Variants in ADAMTS16 observed in about 807,000 individuals in gnomAD.
ADAMTS16 encodes ADAM metallopeptidase with thrombospondin type 1 motif 16.
Under a neutral mutation model 145.8 loss-of-function variants are expected in ADAMTS16, and 94 were observed. That is an observed-to-expected ratio of 0.64 (90% CI 0.55 to 0.77). The LOEUF is 0.77. Among genes scored for constraint, ADAMTS16 ranks in the 30% least tolerant of loss-of-function variants. ADAMTS16 has a pLI of 0.00. For synonymous variants in ADAMTS16, 659 were observed against 604.3 expected, an observed-to-expected ratio of 1.09 and a Z score of -1.33; for missense variants, 1,585 against 1,591.5, an observed-to-expected ratio of 1.00 and a Z score of 0.07.
Position 5,317,281 on chromosome 5 carries a change from T to C in ADAMTS16, c.3412-853T>C, listed in dbSNP as rs370458665. On this transcript the variant is annotated intron_variant, in intron 21 of 22. Transcript: ENST00000274181. This position sits in a 1 kb window ranked among gnomAD's most constrained non-coding sequence, Gnocchi z 4.5. ...ATCAGAAGGATAACTTGTAGGTAAC[T>C]TTATTGGCAGGGGGATCTAAGTTTG... Among the ~76,000 whole-genome samples, 4 of 152,358 alleles carry C rather than the reference T, an allele frequency of 2.6e-5. No individual in the cohort carries two copies. The East Asian group carries it at 5.8e-4, about 22-fold the overall frequency.
At chr5:5,215,727 A>G (rs1736406805) in intron 10 of ADAMTS16, among the ~76,000 whole-genome samples, 1 of 146,024 alleles carries the variant, frequency 6.8e-6, no homozygotes, top group African/African-American at 2.5e-5. Context: ...GTATATATAT[A>G]TGTGGTATAT....
chr5:5,303,868 T>TTA, intron 20 of ADAMTS16, 102 bp downstream of exon 20: 1 of 1,331,968 alleles, frequency 7.5e-7, no homozygotes, highest in South Asian at 1.4e-5. Context: ...TCTTCTCCCC[T>TTA]TATATCTCTT....
chr5:5,220,087 G>A (rs911278256), intron 10 of ADAMTS16, among the ~76,000 whole-genome samples: 1 of 151,588 alleles, frequency 6.6e-6, no homozygotes, highest in South Asian at 2.1e-4. Flanking sequence ...TGCCCAGAAA[G>A]CATTTATTGA....
At chr5:5,266,609 C>A (rs1560977332) in intron 18 of ADAMTS16, among the ~76,000 whole-genome samples, 1 of 152,196 alleles carries the variant, frequency 6.6e-6, no homozygotes, top group South Asian at 2.1e-4. Context: ...CCGCCTCCCC[C>A]ATACTGCCCA....
intron 7 of ADAMTS16, among the ~76,000 whole-genome samples, chr5:5,191,263 G>A (rs982078586): frequency 6.6e-6 from 1 of 152,154 alleles, no homozygotes; most frequent in Non-Finnish European, 1.5e-5. Flanking sequence ...TTAAAGCTGG[G>A]GGTGGTCTTG....
At chr5:5,288,100 T>G (rs1311195150) in intron 18 of ADAMTS16, among the ~76,000 whole-genome samples, 1 of 152,162 alleles carries the variant, frequency 6.6e-6, no homozygotes, top group African/African-American at 2.4e-5. Flanking sequence ...TTTAAAATCC[T>G]TGTCATAAAA....
At chr5:5,304,780 G>C (rs1358974206) in intron 20 of ADAMTS16, among the ~76,000 whole-genome samples, 2 of 152,018 alleles carry the variant, frequency 1.3e-5, no homozygotes, top group Non-Finnish European at 2.9e-5. Flanking sequence ...CTTTCACCTG[G>C]AGGGTAGGAA....
At chr5:5,280,171 G>A (rs1475634203) in intron 18 of ADAMTS16, among the ~76,000 whole-genome samples, 1 of 151,984 alleles carries the variant, frequency 6.6e-6, no homozygotes, top group African/African-American at 2.4e-5. Context: ...CCTGAATCCT[G>A]AATCCAGGCA....
intron 18 of ADAMTS16, among the ~76,000 whole-genome samples, chr5:5,272,208 C>T (rs928341464): frequency 2.0e-5 from 3 of 151,942 alleles, no homozygotes. Context: ...GTGAACATCT[C>T]GGTTCATTTA....
At chr5:5,302,940 T>C (rs1179473391) in intron 18 of ADAMTS16, among the ~76,000 whole-genome samples, 4 of 147,690 alleles carry the variant, frequency 2.7e-5, no homozygotes. Flanking sequence ...GGTGTTTTAT[T>C]TTTTATATGT....
chr5:5,262,516 T>C (rs1738068370), intron 17 of ADAMTS16, 141 bp from the exon 18 acceptor site: 2 of 1,133,548 alleles, frequency 1.8e-6, no homozygotes, highest in Admixed American at 5.6e-5. Flanking sequence ...GGAGTATTAA[T>C]AGTTGGCCAG....
chr5:5,261,574 A>G (rs2126429886), intron 17 of ADAMTS16, among the ~76,000 whole-genome samples: 1 of 149,574 alleles, frequency 6.7e-6, no homozygotes, highest in East Asian at 2.0e-4. Flanking sequence ...GCAACCTCCA[A>G]CTACCTGGTT....
chr5:5,206,088 T>A (rs1368213878), intron 9 of ADAMTS16, among the ~76,000 whole-genome samples: 1 of 152,194 alleles, frequency 6.6e-6, no homozygotes, highest in African/African-American at 2.4e-5. Flanking sequence ...GCATTTTATA[T>A]TTAGCTGTAT....
At chr5:5,214,590 G>T (rs1736371298) in intron 10 of ADAMTS16, among the ~76,000 whole-genome samples, 1 of 152,044 alleles carries the variant, frequency 6.6e-6, no homozygotes, top group Non-Finnish European at 1.5e-5. Context: ...TTTTTGTTGA[G>T]ACAGTGTTTC....
Position 5,186,226 on chromosome 5 carries a change from C to T in ADAMTS16, c.938C>T (p.Thr313Ile). ...MQNHGHENIT[T>I]YVLTILNMVS... ...AACCATGGCCATGAAAATATCACCA[C>T]CTACGTGCTCACGATACTCAACATG... The change falls in exon 5 of 23, where the codon ACC becomes ATC. Residue 313 changes from threonine to isoleucine, a missense_variant. This residue lies in a region of ADAMTS16 where 453 missense variants were observed against 412.1 expected (regional missense o/e 1.10). Transcript: ENST00000274181. 6.2e-7 allele frequency: 1 copy of T among 1,613,778 alleles called. No homozygotes were observed. Among genetic ancestry groups the T allele is most frequent in the Non-Finnish European group, 8.5e-7 (1 of 1,180,010 alleles).
At chr5:5,279,910 CT>C (rs1340125056) in intron 18 of ADAMTS16, among the ~76,000 whole-genome samples, 1 of 4,864 alleles carries the variant, frequency 2.1e-4, no homozygotes, top group Non-Finnish European at 9.7e-4. Context: ...CTTTTCTTTT[CT>C]TTCTTTATTT....
intron 3 of ADAMTS16, among the ~76,000 whole-genome samples, chr5:5,173,942 C>A (rs1735119362): frequency 6.6e-6 from 1 of 152,130 alleles, no homozygotes; most frequent in Non-Finnish European, 1.5e-5. Context: ...TTTGATGGTT[C>A]ATCTTTTAGT....
At position 5,269,253 on chromosome 5, in the gene ADAMTS16, G is replaced by A. The variant is rs1343451601; in HGVS notation, c.2789+6470G>A. Among the ~76,000 whole-genome samples the A allele has an allele frequency of 6.6e-6, 1 of 152,034 alleles. No individual in the cohort carries two copies. The highest frequency in any genetic ancestry group is 1.5e-5 in the Non-Finnish European group (1 of 68,026). ...GAACCCTCCCCTCACCAGCACCTGA[G>A]CTGCCTTGCTTCACCCTCGCTCCCC... On this transcript the variant is annotated intron_variant, in intron 18 of 22. Transcript: ENST00000274181. This position sits in a 1 kb window ranked among gnomAD's most constrained non-coding sequence, Gnocchi z 4.3.
chr5:5,270,488 A>AT (rs1183379863), intron 18 of ADAMTS16, among the ~76,000 whole-genome samples: 1 of 152,192 alleles, frequency 6.6e-6, no homozygotes, highest in Non-Finnish European at 1.5e-5. Flanking sequence ...CTCAGGTGTG[A>AT]TAAACACTCA....
Sources: allele counts gnomAD v4.1 joint callset (sites outside exome capture counted in the v4.1 genomes callset), GRCh38; gene constraint gnomAD v4.1.1; regional missense constraint gnomAD v4.1.1; non-coding constraint Gnocchi (gnomAD v3.1); transcripts MANE v1.5; gene names NCBI Gene and HGNC (gene_info 2026-07-23, HGNC 2026-07-21).